Variants in LRRTM4 observed in about 807,000 individuals in gnomAD.
LRRTM4 encodes leucine-rich repeat transmembrane neuronal protein 4.
LRRTM4 carries 25 observed loss-of-function variants against 47.6 expected under a neutral mutation model. That is an observed-to-expected ratio of 0.53 (90% confidence interval 0.38 to 0.73). The LOEUF is 0.73. Among genes scored for constraint, LRRTM4 ranks in the 30% least tolerant of loss-of-function variants. The pLI is 0.00. For missense variants in LRRTM4, 638 were observed against 713.4 expected, an observed-to-expected ratio of 0.89 and a Z score of 1.20; for synonymous variants, 311 against 269.5, an observed-to-expected ratio of 1.15 and a Z score of -1.51.
chr2:77,153,423 A>G (rs918423304), intron 3 of LRRTM4, among the ~76,000 whole-genome samples: 2 of 152,332 alleles, frequency 1.3e-5, no homozygotes, highest in African/African-American at 4.8e-5. Context: ...TTAAAAATCT[A>G]AGAAATACTA....
chr2:77,423,943 C>T (rs1335219392), intron 3 of LRRTM4, among the ~76,000 whole-genome samples: 1 of 152,044 alleles, frequency 6.6e-6, no homozygotes, highest in African/African-American at 2.4e-5. Context: ...ATATAAAATG[C>T]TATCTTGTTT....
intron 3 of LRRTM4, among the ~76,000 whole-genome samples, chr2:77,165,426 A>T (rs779609340): frequency 3.3e-5 from 5 of 152,214 alleles, no homozygotes; most frequent in Non-Finnish European, 7.3e-5. Flanking sequence ...TATTCCAATC[A>T]GTAGAAAAAG....
chr2:76,989,051 C>T (rs1409403938), intron 3 of LRRTM4, among the ~76,000 whole-genome samples: 1 of 151,656 alleles, frequency 6.6e-6, no homozygotes, highest in Non-Finnish European at 1.5e-5. Context: ...TAATTTTTCC[C>T]AACAATTTCA....
At chr2:76,810,108 CAG>C (rs1670689828) in intron 3 of LRRTM4, among the ~76,000 whole-genome samples, 1 of 152,140 alleles carries the variant, frequency 6.6e-6, no homozygotes. Flanking sequence ...GAAATGAAGA[CAG>C]AGATATTTTC....
intron 3 of LRRTM4, among the ~76,000 whole-genome samples, chr2:76,926,002 T>C (rs1216847572): frequency 6.6e-6 from 1 of 152,148 alleles, no homozygotes; most frequent in Non-Finnish European, 1.5e-5. Context: ...TAAAACCAGG[T>C]TGTTACAAGC....
chr2:77,103,649 A>G (rs1419310543), intron 3 of LRRTM4, among the ~76,000 whole-genome samples: 11 of 141,478 alleles, frequency 7.8e-5, no homozygotes, highest in Non-Finnish European at 1.1e-4. Context: ...ACATGAGTGT[A>G]TATATATATA....
At chr2:77,245,190 A>T (rs1033241309) in intron 3 of LRRTM4, among the ~76,000 whole-genome samples, 1 of 137,826 alleles carries the variant, frequency 7.3e-6, no homozygotes, top group African/African-American at 2.8e-5. Flanking sequence ...CTACAAGGGC[A>T]AGGAAACAGA....
intron 3 of LRRTM4, among the ~76,000 whole-genome samples, chr2:77,109,242 G>A (rs1027529278): frequency 6.6e-6 from 1 of 152,098 alleles, no homozygotes; most frequent in African/African-American, 2.4e-5. Flanking sequence ...TAATGTCTTA[G>A]AACTACCAGG....
chr2:77,436,143 T>A (rs1040991985), intron 3 of LRRTM4, among the ~76,000 whole-genome samples: 1 of 152,076 alleles, frequency 6.6e-6, no homozygotes, highest in Non-Finnish European at 1.5e-5. Context: ...AATTACTGAA[T>A]CATCTATTGA....
intron 3 of LRRTM4, among the ~76,000 whole-genome samples, chr2:77,369,594 C>G (rs958171579): frequency 6.6e-6 from 1 of 151,658 alleles, no homozygotes; most frequent in African/African-American, 2.4e-5. Context: ...TAATTTGTTC[C>G]ACTATAGAAG....
At chr2:77,288,768 T>G (rs1676734148) in intron 3 of LRRTM4, among the ~76,000 whole-genome samples, 1 of 152,078 alleles carries the variant, frequency 6.6e-6, no homozygotes, top group Non-Finnish European at 1.5e-5. Context: ...TTCAAACTCA[T>G]CCTGTGTATC....
rs115751483 is a variant in LRRTM4, at chr2:77,326,949, A to T, written c.1551+191369T>A. The stretch of plus-strand genomic sequence containing the variant: ...TTCCATTTTCCTCTCATGCAATTTT[A>T]ATTTCAGAATTCAGAGTTTCCTAAA... On this transcript the variant is annotated intron_variant, in intron 3 of 3. Coordinates refer to ENST00000409884, the MANE Select transcript of LRRTM4 (RefSeq NM_001134745.3). Among the ~76,000 whole-genome samples the T allele has an allele frequency of 8.7e-3, 1,323 of 152,202 alleles. 23 individuals carry two copies. The highest frequency in any genetic ancestry group is 0.031 in the African/African-American group (1,280 of 41,520).
intron 3 of LRRTM4, among the ~76,000 whole-genome samples, chr2:76,933,217 A>T (rs1330092465): frequency 6.6e-6 from 1 of 152,126 alleles, no homozygotes; most frequent in Non-Finnish European, 1.5e-5. Flanking sequence ...ATAAATGAGT[A>T]ATCAATGAAA....
At chr2:77,441,895 G>A (rs1675856051) in intron 3 of LRRTM4, among the ~76,000 whole-genome samples, 1 of 152,038 alleles carries the variant, frequency 6.6e-6, no homozygotes, top group Non-Finnish European at 1.5e-5. Flanking sequence ...TCCTGGATAT[G>A]GTCAAAAGTC....
At chr2:77,015,356 A>T (rs1469364100) in intron 3 of LRRTM4, among the ~76,000 whole-genome samples, 2 of 151,972 alleles carry the variant, frequency 1.3e-5, no homozygotes, top group Non-Finnish European at 2.9e-5. Context: ...CTTTTTTTTG[A>T]GACAGAGTCT....
chr2:77,097,981 G>A (rs1245377678), intron 3 of LRRTM4, among the ~76,000 whole-genome samples: 12 of 151,850 alleles, frequency 7.9e-5, no homozygotes, highest in Admixed American at 4.6e-4. Context: ...AAAATAAGGC[G>A]ATAAAATTAT....
intron 3 of LRRTM4, among the ~76,000 whole-genome samples, chr2:77,264,732 T>C (rs551035429): frequency 6.6e-6 from 1 of 152,230 alleles, no homozygotes; most frequent in East Asian, 1.9e-4. Context: ...TATAAATCTA[T>C]TCAAACCAAC....
intron 3 of LRRTM4, among the ~76,000 whole-genome samples, chr2:76,990,480 G>A (rs898785774): frequency 2.6e-5 from 4 of 151,598 alleles, no homozygotes; most frequent in African/African-American, 9.7e-5. Flanking sequence ...TGGAAAACAA[G>A]AAAGAGCAGG....
intron 3 of LRRTM4, among the ~76,000 whole-genome samples, chr2:77,445,945 G>C (rs1380401317): frequency 6.6e-6 from 1 of 151,968 alleles, no homozygotes. Flanking sequence ...GATAGTTATT[G>C]ATATTATTAG....
Sources: gnomAD v4.1 joint callset for allele counts (sites outside exome capture counted in the v4.1 genomes callset) on GRCh38, gnomAD v4.1.1 for gene constraint, MANE v1.5 for transcripts, NCBI Gene and HGNC (gene_info 2026-07-23, HGNC 2026-07-21) for gene names.